Variants in ODF2 observed in about 807,000 individuals in gnomAD.
ODF2 encodes outer dense fiber protein 2.
In ODF2, 47 loss-of-function variants were observed where a neutral mutation model predicts 110.2. The ratio of observed to expected loss-of-function variants is 0.43; its 90% CI spans 0.34 to 0.54. The LOEUF (loss-of-function observed/expected upper bound fraction) is 0.54, where lower values mean the gene tolerates loss of function less well. Ranked by LOEUF, ODF2 falls within the 20% of genes least tolerant of loss-of-function variation. The pLI is 0.03. For missense variants in ODF2, 812 were observed against 1,054.5 expected (o/e 0.77, Z 3.19); for synonymous variants, 352 against 397.7 (o/e 0.89, Z 1.37).
At position 128,469,363 on chromosome 9, in the gene ODF2, G is replaced by T; in HGVS notation, c.420+10G>T. On this transcript the variant is annotated intron_variant, in intron 5 of 20. Coordinates refer to ENST00000604420, the Ensembl canonical transcript of ODF2. The stretch of plus-strand genomic sequence containing the variant: ...TTGTCTGAAGTCTGAGGTGAGGGAG[G>T]TAGGGGGCTGGGATAGCTACTACCC... 1.9e-6 allele frequency: 3 copies of T among 1,613,762 alleles called. No homozygotes were observed. The highest frequency in any genetic ancestry group is 1.7e-4 in the Middle Eastern group (1 of 6,034).
intron 18 of ODF2, 26 bp downstream of exon 18, chr9:128,496,167 G>A (rs1246811903): frequency 1.9e-6 from 3 of 1,613,092 alleles, no homozygotes; most frequent in Admixed American, 1.7e-5. Flanking sequence ...TCCCATCTCT[G>A]TCCTCTTCCT....
intron 2 of ODF2, among the ~76,000 whole-genome samples, chr9:128,459,095 T>A (rs994453043): frequency 6.6e-6 from 1 of 152,188 alleles, no homozygotes; most frequent in Non-Finnish European, 1.5e-5. Flanking sequence ...TCTGCCTGCC[T>A]TGGCCTCCAA....
In ODF2 at chr9:128,460,629, TA is replaced by T. The variant is rs765660295; in HGVS notation, c.124-306del. On this transcript the variant is annotated intron_variant, in intron 3 of 20. Transcript: ENST00000604420. ...GAGAACACCCCTGTCCACGTCCACA[TA>T]AAAAAACTCCCGAAACCATCAGCGA... 2.6e-5 allele frequency: 42 copies of T among 1,613,954 alleles called. No individual in the cohort carries two copies. In the Admixed American group the frequency reaches 5.0e-4, roughly 19 times the overall value.
rs756932869 is a variant in ODF2 at position 128,487,855 on chromosome 9, TTC to T, written c.1401-29_1401-28del. ...CACACAAACAAACCTGTGTAATTGA[TTC>T]TCTCTGTCTGCTTTCACTTTGTGAT... On this transcript the variant is annotated intron_variant, in intron 13 of 20. Coordinates refer to ENST00000604420, the Ensembl canonical transcript of ODF2. 10 of 1,610,028 alleles carry T rather than the reference TTC, an allele frequency of 6.2e-6. No homozygotes were observed. The Admixed American group carries it at 1.7e-4, about 27-fold the overall frequency.
At chr9:128,459,476 C>A in intron 2 of ODF2, 91 bp from the exon 2 acceptor site, 1 of 997,602 alleles carries the variant, frequency 1.0e-6, no homozygotes, top group Non-Finnish European at 1.5e-6. Flanking sequence ...AACATGTTAG[C>A]TACCGTAGTC....
At chr9:128,484,835 C>T (rs1331735131) in exon 12 of ODF2, 8 of 1,613,896 alleles carry the variant, frequency 5.0e-6, no homozygotes, top group Admixed American at 3.3e-5. Context: ...AGGAGCGAGC[C>T]GAGAAGAGCG....
chr9:128,493,996 T>C (rs777920299), intron 16 of ODF2, among the ~76,000 whole-genome samples: 3 of 152,138 alleles, frequency 2.0e-5, no homozygotes, highest in Non-Finnish European at 4.4e-5. Flanking sequence ...GGTTTCACCT[T>C]GTTGGCCAGG....
intron 18 of ODF2, 130 bp downstream of exon 18, chr9:128,496,271 A>G (rs749777237): frequency 1.3e-6 from 2 of 1,524,980 alleles, no homozygotes; most frequent in African/African-American, 2.8e-5. Context: ...GGCAGACCTC[A>G]GAGGAAAAGC....
chr9:128,467,047 AT>A (rs1838375704), intron 4 of ODF2, among the ~76,000 whole-genome samples: 1 of 117,978 alleles, frequency 8.5e-6, no homozygotes, highest in Admixed American at 9.5e-5. Flanking sequence ...ATATATATAT[AT>A]ATATATATAG....
Position 128,485,565 on chromosome 9 carries a change from T to G in ODF2, c.1400+91T>G. ...GCCTAGTGGCTCAGGGAAGGCCACG[T>G]GGCTGCTGTTTGTACTCTCCGGGTT... On this transcript the variant is annotated intron_variant, in intron 13 of 20. Transcript: ENST00000604420. The surrounding 1 kb of genome is among the most constrained non-coding windows in gnomAD (Gnocchi z 5.0). 1 of 700,120 alleles carries G rather than the reference T, an allele frequency of 1.4e-6. No individual in the cohort carries two copies. The highest frequency in any genetic ancestry group is 2.7e-5 in the East Asian group (1 of 37,344). The allele number at this position is 700,120 out of a possible 1,614,324, so 43.4% of individuals were successfully genotyped here. A position where few individuals can be genotyped will look rare whatever the true frequency, so the allele number is the denominator to read the frequency against.
chr9:128,469,041 G>T, intron 4 of ODF2, 142 bp from the exon 5 acceptor site: 1 of 671,438 alleles, frequency 1.5e-6, no homozygotes, highest in Non-Finnish European at 2.6e-6. Context: ...CATCACAAGG[G>T]TTCAGAGTAT....
exon 21 of ODF2, chr9:128,500,475 TA>T (rs1416986322): frequency 3.8e-6 from 2 of 531,590 alleles, no homozygotes; most frequent in African/African-American, 3.8e-5. Flanking sequence ...TTGGAAGTGT[TA>T]AAATTTCCTC....
At chr9:128,457,139 C>T (rs529199204) in intron 1 of ODF2, 3 of 1,467,030 alleles carry the variant, frequency 2.0e-6, no homozygotes, top group Admixed American at 4.1e-5. Context: ...CGTCCCCTCC[C>T]CTTCCTCCCC....
intron 10 of ODF2, 52 bp from the exon 11 acceptor site, chr9:128,483,885 GA>G: frequency 5.3e-6 from 7 of 1,308,826 alleles, no homozygotes; most frequent in Admixed American, 5.0e-5. Context: ...GACTCCGTAT[GA>G]AAAAAACAAA....
At chr9:128,488,209 C>A (rs1285403164) in intron 14 of ODF2, among the ~76,000 whole-genome samples, 184 bp downstream of exon 14, 1 of 152,176 alleles carries the variant, frequency 6.6e-6, no homozygotes. Flanking sequence ...AGGTGGATCA[C>A]TTGAGCCTAG....
rs566008024 is a variant in ODF2 at position 128,477,442 on chromosome 9, G to C, written c.843+3701G>C. 2.0e-5 allele frequency among the ~76,000 whole-genome samples: 3 copies of C among 151,910 alleles called. No homozygotes were observed. In the South Asian group the frequency reaches 6.3e-4, roughly 32 times the overall value. ...CACACACCTATAGTCCTAGCTACTC[G>C]GGAGGCTGAGGTGGGAGGATTGCTT... On this transcript the variant is annotated intron_variant, in intron 8 of 20. Transcript: ENST00000604420.
At position 128,485,579 on chromosome 9, in the gene ODF2, A is replaced by G. The variant is rs1843201432; in HGVS notation, c.1400+105A>G. 1.5e-6 allele frequency: 1 copy of G among 656,460 alleles called. No individual in the cohort carries two copies. The highest frequency in any genetic ancestry group is 2.4e-5 in the Admixed American group (1 of 42,024). The allele number at this position is 656,460 out of a possible 1,614,324, so 40.7% of individuals were successfully genotyped here. A position where few individuals can be genotyped will look rare whatever the true frequency, so the allele number is the denominator to read the frequency against. ...GGAAGGCCACGTGGCTGCTGTTTGTACTCTCCGGGTTGGGGGCTGCACTGG... is the reference window on the plus strand; with the variant it reads ...GGAAGGCCACGTGGCTGCTGTTTGTGCTCTCCGGGTTGGGGGCTGCACTGG... On this transcript the variant is annotated intron_variant, in intron 13 of 20. Transcript: ENST00000604420. The surrounding 1 kb of genome is among the most constrained non-coding windows in gnomAD (Gnocchi z 5.0).
intron 8 of ODF2, among the ~76,000 whole-genome samples, chr9:128,475,737 C>A (rs1333596539): frequency 6.6e-6 from 1 of 151,992 alleles, no homozygotes; most frequent in Non-Finnish European, 1.5e-5. Flanking sequence ...CCTCCGCCTC[C>A]CGGTTTCAAG....
intron 2 of ODF2, among the ~76,000 whole-genome samples, chr9:128,458,507 T>G (rs1056785990): frequency 3.3e-5 from 5 of 150,280 alleles, no homozygotes; most frequent in Admixed American, 3.3e-4. Flanking sequence ...CAGATGGTTA[T>G]TCCAAGGCCC....
Sources: gnomAD v4.1 joint callset for allele counts (sites outside exome capture counted in the v4.1 genomes callset) on GRCh38, gnomAD v4.1.1 for gene constraint, Gnocchi (gnomAD v3.1) non-coding constraint, MANE v1.5 for transcripts, NCBI Gene and HGNC (gene_info 2026-07-23, HGNC 2026-07-21) for gene names.